Variants in ASB4 observed in about 807,000 individuals in gnomAD.
ASB4 encodes the protein ankyrin repeat and SOCS box containing 4, also known as ankyrin repeat and SOCS box protein 4.
Under a neutral mutation model 38.6 loss-of-function variants are expected in ASB4, and 35 were observed. That is an observed-to-expected ratio of 0.91 (90% CI 0.69 to 1.20). The LOEUF is 1.20. Among genes scored for constraint, ASB4 ranks in the 50% most tolerant of loss-of-function variants. The pLI is 0.00. For synonymous variants in ASB4, 195 were observed against 201.3 expected, an observed-to-expected ratio of 0.97 and a Z score of 0.26; for missense variants, 557 against 527.2, an observed-to-expected ratio of 1.06 and a Z score of -0.55.
chr7:95,517,731 C>T (rs993669756), intron 2 of ASB4, among the ~76,000 whole-genome samples: 3 of 151,740 alleles, frequency 2.0e-5, no homozygotes, highest in Admixed American at 1.3e-4. Flanking sequence ...CTGAGCAGTT[C>T]CAGTGGAGTG....
chr7:95,528,117 C>T lies in ASB4; in HGVS notation c.792C>T (p.Asp264=). 6.2e-7 allele frequency: 1 copy of T among 1,614,198 alleles called. No individual in the cohort carries two copies. The highest frequency in any genetic ancestry group is 8.5e-7 in the Non-Finnish European group (1 of 1,180,048). ...TCCACAAGGCAGCCTGGAACTGTGA[C>T]CACGTGCTCATGCACATGATGCTGG... ...SPLHKAAWNC[D]HVLMHMMLEA... Residue 264 remains aspartate, a synonymous_variant, in exon 3 of 5, where the codon GAC becomes GAT. Coordinates refer to ENST00000325885, the MANE Select transcript of ASB4 (RefSeq NM_016116.3).
rs201931788 is a variant in ASB4, at chr7:95,515,424, C to CTT, written c.488-12380_488-12379dup. ...TCTTTTCTTTTTCCTTTCTCTCTCT[C>CTT]TTTTTTTTTTAAGACAGAGTCTCAT... On this transcript the variant is annotated intron_variant, in intron 2 of 4. Transcript: ENST00000325885. Among the ~76,000 whole-genome samples, 32 of 107,338 alleles carry CTT rather than the reference C, an allele frequency of 3.0e-4. No homozygotes were observed. In the East Asian group the frequency reaches 3.3e-3, roughly 11 times the overall value. The allele number at this position is 107,338 out of a possible 152,430, so 70.4% of individuals were successfully genotyped here.
upstream of ASB4, chr7:95,485,773 C>T (rs1406033113): frequency 4.0e-6 from 2 of 504,590 alleles, no homozygotes; most frequent in African/African-American, 3.8e-5. Context: ...AATATATAAC[C>T]AGTTTAAAGG....
intron 1 of ASB4, among the ~76,000 whole-genome samples, chr7:95,494,737 T>C (rs1562810698): frequency 6.6e-6 from 1 of 152,176 alleles, no homozygotes; most frequent in Non-Finnish European, 1.5e-5. Context: ...ATCATAGTTA[T>C]AGCTTGTCAA....
chr7:95,488,932 T>A (rs1790132936), intron 1 of ASB4, among the ~76,000 whole-genome samples: 1 of 152,228 alleles, frequency 6.6e-6, no homozygotes, highest in Non-Finnish European at 1.5e-5. Context: ...CTCTTAAATT[T>A]CCTTGTGTAA....
At chr7:95,528,573 T>C in intron 3 of ASB4, 1 of 1,397,196 alleles carries the variant, frequency 7.2e-7, no homozygotes, top group East Asian at 2.6e-5. Flanking sequence ...CACTGGTGGC[T>C]TCCTGAGGGA....
chr7:95,510,379 A>T (rs942366604), intron 2 of ASB4, among the ~76,000 whole-genome samples: 1 of 151,962 alleles, frequency 6.6e-6, no homozygotes, highest in Non-Finnish European at 1.5e-5. Context: ...AAGTGATTGA[A>T]AAAGATATAT....
intron 1 of ASB4, among the ~76,000 whole-genome samples, chr7:95,480,815 T>C (rs1790016305): frequency 2.0e-5 from 3 of 152,222 alleles, no homozygotes; most frequent in South Asian, 2.1e-4. Context: ...CCAATACATT[T>C]TGAGGTTATT....
chr7:95,533,948 G>A (rs545284576), intron 3 of ASB4, among the ~76,000 whole-genome samples: 16 of 152,084 alleles, frequency 1.1e-4, no homozygotes, highest in Non-Finnish European at 2.2e-4. Context: ...TACCCATTTA[G>A]ACTGTCACTG....
chr7:95,499,024 A>G (rs1294805178), intron 2 of ASB4, among the ~76,000 whole-genome samples: 1 of 152,076 alleles, frequency 6.6e-6, no homozygotes, highest in Non-Finnish European at 1.5e-5. Flanking sequence ...TTTTTTCCCT[A>G]ATGCTCCACT....
the ASB4 span, among the ~76,000 whole-genome samples, chr7:95,546,900 A>T: frequency 8.3e-4 from 126 of 152,348 alleles, no homozygotes; most frequent in Admixed American, 7.2e-3. Flanking sequence ...TCAAAGGTGA[A>T]TAATGGCAAA....
chr7:95,497,159 T>C (rs988414357), intron 2 of ASB4, among the ~76,000 whole-genome samples: 2 of 151,816 alleles, frequency 1.3e-5, no homozygotes, highest in Non-Finnish European at 2.9e-5. Context: ...CACAAAAAAG[T>C]TTTCAGTAAG....
At chr7:95,495,371 A>G (rs188368353) in intron 1 of ASB4, among the ~76,000 whole-genome samples, 1 of 152,328 alleles carries the variant, frequency 6.6e-6, no homozygotes, top group Admixed American at 6.5e-5. Context: ...TCAATGATTG[A>G]AAGTTTTTTA....
chr7:95,489,111 G>A (rs1176409608), intron 1 of ASB4, among the ~76,000 whole-genome samples: 1 of 152,152 alleles, frequency 6.6e-6, no homozygotes, highest in Admixed American at 6.5e-5. Flanking sequence ...CTATATGAAA[G>A]TCAGTGTATA....
At chr7:95,533,959 A>T (rs1246963930) in intron 3 of ASB4, among the ~76,000 whole-genome samples, 1 of 152,186 alleles carries the variant, frequency 6.6e-6, no homozygotes, top group Non-Finnish European at 1.5e-5. Flanking sequence ...ACTGTCACTG[A>T]ACTTCATGGC....
intron 1 of ASB4, among the ~76,000 whole-genome samples, chr7:95,492,111 G>A (rs1330272961): frequency 1.3e-5 from 2 of 152,180 alleles, no homozygotes; most frequent in African/African-American, 2.4e-5. Flanking sequence ...TAGGAGAGGT[G>A]AGTTGTAACC....
chr7:95,495,629 T>C (rs1790233637), intron 1 of ASB4, 129 bp from the exon 2 acceptor site: 1 of 870,306 alleles, frequency 1.1e-6, no homozygotes, highest in African/African-American at 1.7e-5. Context: ...AAAACCTCTG[T>C]CATCCCCTCT....
At chr7:95,477,459 C>G (rs1789987442), upstream of ASB4, among the ~76,000 whole-genome samples, 1 of 152,156 alleles carries the variant, frequency 6.6e-6, no homozygotes, top group Non-Finnish European at 1.5e-5. Flanking sequence ...ACAAATTTAT[C>G]TACTGTAAAA....
chr7:95,495,279 C>A (rs1790228735), intron 1 of ASB4, among the ~76,000 whole-genome samples: 1 of 151,964 alleles, frequency 6.6e-6, no homozygotes, highest in African/African-American at 2.4e-5. Context: ...GGATTGACAA[C>A]AACTATAGGA....
Sources: gnomAD v4.1 joint callset for allele counts (sites outside exome capture counted in the v4.1 genomes callset) on GRCh38, gnomAD v4.1.1 for gene constraint, MANE v1.5 for transcripts, NCBI Gene and HGNC (gene_info 2026-07-23, HGNC 2026-07-21) for gene names.